ARHGEF10L: variants seen among roughly 807,000 people sequenced by gnomAD.
ARHGEF10L encodes Rho guanine nucleotide exchange factor 10 like.
ARHGEF10L carries 69 observed loss-of-function variants against 141.2 expected under a neutral mutation model. That is an observed-to-expected ratio of 0.49 (90% CI 0.40 to 0.60). The LOEUF (loss-of-function observed/expected upper bound fraction) is 0.60, where lower values mean the gene tolerates loss of function less well. Ranked by LOEUF, ARHGEF10L falls within the 20% of genes least tolerant of loss-of-function variation. The probability of loss-of-function intolerance (pLI) is 0.00; values close to 1 mark genes in which losing one functional copy is unlikely to be tolerated. For missense variants in ARHGEF10L, 1,482 were observed against 1,734.3 expected (o/e 0.85, Z 2.58); for synonymous variants, 711 against 718.5 (o/e 0.99, Z 0.17).
At chr1:17,674,961 T>C (rs1315373820) in intron 26 of ARHGEF10L, among the ~76,000 whole-genome samples, 4 of 152,132 alleles carry the variant, frequency 2.6e-5, no homozygotes, top group Non-Finnish European at 5.9e-5. Context: ...AATTGCCTAA[T>C]GATGCCTTTC....
At chr1:17,676,095 TAGGTGC>T (rs1259684355) in intron 26 of ARHGEF10L, among the ~76,000 whole-genome samples, 1 of 142,636 alleles carries the variant, frequency 7.0e-6, no homozygotes, top group Non-Finnish European at 1.5e-5. Context: ...GGTGCGGGTG[TAGGTGC>T]AGGTGTACGT....
chr1:17,623,251 C>T lies in ARHGEF10L; in HGVS notation c.1200+76C>T. On this transcript the variant is annotated intron_variant, in intron 12 of 28. Coordinates refer to ENST00000361221, the MANE Select transcript of ARHGEF10L (RefSeq NM_018125.4). This position sits in a 1 kb window ranked among gnomAD's most constrained non-coding sequence, Gnocchi z 4.7. The stretch of plus-strand genomic sequence containing the variant: ...AGTCTGACCCCGGGGCCATGCAGTC[C>T]AGCCTCCTGCCTCTGCCTGCTTGCC... 1 of 1,513,592 alleles carries T rather than the reference C, an allele frequency of 6.6e-7. No homozygotes were observed. Among genetic ancestry groups the T allele is most frequent in the Non-Finnish European group, 9.0e-7 (1 of 1,114,848 alleles). 93.8% of individuals were successfully genotyped at this position (1,513,592 alleles called of 1,614,324 possible). A position where few individuals can be genotyped will look rare whatever the true frequency, so the allele number is the denominator to read the frequency against.
intron 1 of ARHGEF10L, among the ~76,000 whole-genome samples, chr1:17,543,966 G>T (rs1221317726): frequency 6.7e-6 from 1 of 149,622 alleles, no homozygotes; most frequent in Non-Finnish European, 1.5e-5. Context: ...ATATTTTTGA[G>T]ATGGAGTTTC....
the ARHGEF10L span, among the ~76,000 whole-genome samples, chr1:17,517,474 C>A: frequency 6.6e-6 from 1 of 151,918 alleles, no homozygotes; most frequent in African/African-American, 2.4e-5. Context: ...CAGGTGCGTG[C>A]CACCATGCCT....
chr1:17,616,253 T>A, intron 9 of ARHGEF10L, 51 bp downstream of exon 9: 6 of 865,206 alleles, frequency 6.9e-6, no homozygotes, highest in Non-Finnish European at 9.2e-6. Context: ...TGACTGGGGG[T>A]CGGGGAGGGT....
At chr1:17,599,351 G>GAAAAA (rs376342810) in intron 4 of ARHGEF10L, among the ~76,000 whole-genome samples, 1 of 146,450 alleles carries the variant, frequency 6.8e-6, no homozygotes, top group Non-Finnish European at 1.5e-5. Context: ...AAAAGAAAAA[G>GAAAAA]AAAAAAAAAA....
At chr1:17,592,742 G>A (rs1434560932) in intron 4 of ARHGEF10L, among the ~76,000 whole-genome samples, 1 of 152,222 alleles carries the variant, frequency 6.6e-6, no homozygotes, top group African/African-American at 2.4e-5. Context: ...GTCTGGAGTT[G>A]TTTGGAATCC....
chr1:17,617,234 G>A (rs2059858431), intron 9 of ARHGEF10L, among the ~76,000 whole-genome samples: 1 of 152,226 alleles, frequency 6.6e-6, no homozygotes. Flanking sequence ...GCGTCCCATG[G>A]TCAGATTTGA....
At chr1:17,618,588 TC>T in intron 9 of ARHGEF10L, 1 of 1,171,848 alleles carries the variant, frequency 8.5e-7, no homozygotes, top group Non-Finnish European at 1.1e-6. Context: ...TCTTCTTTCC[TC>T]CCCAGCTTCC....
chr1:17,518,838 AAAG>A, the ARHGEF10L span, among the ~76,000 whole-genome samples: 40,580 of 101,312 alleles, frequency 0.4, 8,150 homozygotes, highest in East Asian at 0.65. Context: ...AAGAAAGAAA[AAAG>A]AAGAAGAACT....
intron 4 of ARHGEF10L, among the ~76,000 whole-genome samples, chr1:17,597,159 G>C (rs1293751055): frequency 1.3e-5 from 2 of 152,120 alleles, no homozygotes; most frequent in Non-Finnish European, 2.9e-5. Context: ...CCCTCACCAT[G>C]GATTCAGCTT....
chr1:17,665,508 C>T (rs1357466717), intron 26 of ARHGEF10L, among the ~76,000 whole-genome samples: 1 of 152,142 alleles, frequency 6.6e-6, no homozygotes, highest in Admixed American at 6.5e-5. Context: ...GTGGTCCGCC[C>T]CTTTCCCTGG....
chr1:17,607,858 G>A lies in ARHGEF10L; in HGVS notation c.490G>A (p.Ala164Thr). 6.3e-7 allele frequency: 1 copy of A among 1,589,874 alleles called. No individual in the cohort carries two copies. The highest frequency in any genetic ancestry group is 8.6e-7 in the Non-Finnish European group (1 of 1,169,534). ...DAHRAGAPRQ[A>T]EDLGWSSSEF... ...GCACCGGGCTGGGGCCCCTCGGCAGGCGGAGGACCTAGGCTGGAGCTCCAG... is the reference window on the plus strand; with the variant it reads ...GCACCGGGCTGGGGCCCCTCGGCAGACGGAGGACCTAGGCTGGAGCTCCAG... Residue 164 changes from alanine (A) to threonine (T), a missense_variant, in exon 7 of 29, where the codon GCG becomes ACG. By Grantham distance (58) the Ala-to-Thr change is moderately conservative. This residue lies in a region of ARHGEF10L where 232 missense variants were observed against 225.9 expected (regional missense o/e 1.03). Coordinates refer to ENST00000361221, the MANE Select transcript of ARHGEF10L (RefSeq NM_018125.4). This position sits in a 1 kb window ranked among gnomAD's most constrained non-coding sequence, Gnocchi z 4.5.
chr1:17,632,665 G>T (rs1196812840), intron 16 of ARHGEF10L, among the ~76,000 whole-genome samples, 199 bp downstream of exon 16: 39 of 152,212 alleles, frequency 2.6e-4, no homozygotes, highest in Admixed American at 2.5e-3. Context: ...CAGTCATCGG[G>T]GGCAGCCCTC....
At chr1:17,645,528 G>A (rs746485470) in intron 21 of ARHGEF10L, among the ~76,000 whole-genome samples, 3 of 152,162 alleles carry the variant, frequency 2.0e-5, no homozygotes, top group Non-Finnish European at 4.4e-5. Context: ...TGTGGGGTGA[G>A]GAATTGGGGG....
At chr1:17,521,321 C>T in the ARHGEF10L span, among the ~76,000 whole-genome samples, 3 of 152,174 alleles carry the variant, frequency 2.0e-5, no homozygotes, top group Non-Finnish European at 4.4e-5. Context: ...CTCAGCCTCC[C>T]GAGTAGCTGG....
intron 15 of ARHGEF10L, among the ~76,000 whole-genome samples, chr1:17,628,463 G>A (rs544436890): frequency 6.6e-6 from 1 of 152,298 alleles, no homozygotes; most frequent in Non-Finnish European, 1.5e-5. Context: ...CTCAGCACAT[G>A]ACATGAACTG....
the ARHGEF10L span, among the ~76,000 whole-genome samples, chr1:17,527,857 CTTTCTTTCTTTTCT>C: frequency 1.9e-5 from 1 of 52,926 alleles, no homozygotes; most frequent in Non-Finnish European, 4.7e-5. Context: ...GCTTTTCTTT[CTTTCTTTCTTTTCT>C]TTTTTTTTTT....
At chr1:17,655,764 G>A in intron 23 of ARHGEF10L, 115 bp from the exon 24 acceptor site, 2 of 919,514 alleles carry the variant, frequency 2.2e-6, no homozygotes, top group Non-Finnish European at 3.3e-6. Flanking sequence ...TGTGTGGGCA[G>A]GAGAAGGGAT....
Sources: gnomAD v4.1 joint callset for allele counts (sites outside exome capture counted in the v4.1 genomes callset) on GRCh38, gnomAD v4.1.1 for gene constraint, gnomAD v4.1.1 regional missense constraint, Gnocchi (gnomAD v3.1) non-coding constraint, MANE v1.5 for transcripts, NCBI Gene and HGNC (gene_info 2026-07-23, HGNC 2026-07-21) for gene names.